CTSF: variants seen among roughly 807,000 people sequenced by gnomAD.
CTSF encodes the protein cathepsin F.
CTSF carries 65 observed loss-of-function variants against 63.5 expected under a neutral mutation model. The observed-to-expected ratio is 1.02, with a 90% CI of 0.84 to 1.26. CTSF has a LOEUF of 1.26. Ranked by LOEUF, CTSF falls within the 50% of genes most tolerant of loss-of-function variation. The probability of loss-of-function intolerance (pLI) is 0.00; values close to 1 mark genes in which losing one functional copy is unlikely to be tolerated. For synonymous variants in CTSF, 256 were observed against 258.1 expected, an observed-to-expected ratio of 0.99 and a Z score of 0.08; for missense variants, 641 against 631.0, an observed-to-expected ratio of 1.02 and a Z score of -0.17.
At position 66,568,545 on chromosome 11, in the gene CTSF, C is replaced by G. The variant is rs976073100; in HGVS notation, c.-59G>C. 26 of 1,461,752 alleles carry G rather than the reference C, an allele frequency of 1.8e-5. No homozygotes were observed. Among genetic ancestry groups the G allele is most frequent in the Admixed American group, 2.5e-5 (1 of 39,938 alleles). The allele number at this position is 1,461,752 out of a possible 1,614,324, so 90.5% of individuals were successfully genotyped here. ...GACGCTCCACCGACCCACCGGGTAC[C>G]GAGCCCGCGGCCAGCGGGGCCTGAG... On this transcript the variant is annotated 5_prime_UTR_variant, in exon 1 of 13. Transcript: ENST00000310325.
At chr11:66,567,785 A>G (rs1283374850) in intron 2 of CTSF, 123 bp from the exon 3 acceptor site, 1 of 1,427,808 alleles carries the variant, frequency 7.0e-7, no homozygotes, top group African/African-American at 1.4e-5. Flanking sequence ...ACCCCATCAC[A>G]GTGGACAGTG....
rs370667878 is a variant in CTSF at position 66,564,663 on chromosome 11, G to A, written c.1231-15C>T. ...TGGCGGTAAAACTGGAGGTGGAGAA[G>A]GAGTAGGGGATCGACTCCAAGAAGA... is the stretch of plus-strand genomic sequence containing the variant. On this transcript the variant is annotated splice_polypyrimidine_tract_variant and intron_variant, in intron 10 of 12. Transcript: ENST00000310325. The A allele has an allele frequency of 3.2e-4, 508 of 1,612,662 alleles. 1 individual carries two copies. Among genetic ancestry groups the A allele is most frequent in the Non-Finnish European group, 4.1e-4 (479 of 1,179,310 alleles).
intron 4 of CTSF, 55 bp downstream of exon 4, chr11:66,567,191 T>TG: frequency 1.9e-6 from 3 of 1,575,608 alleles, no homozygotes; most frequent in Non-Finnish European, 1.7e-6. Flanking sequence ...GGTGCCAAGT[T>TG]GGGGGGAAAG....
chr11:66,568,540 G>A lies in CTSF; in HGVS notation c.-54C>T, dbSNP rs1473579884. On this transcript the variant is annotated 5_prime_UTR_variant, in exon 1 of 13. Coordinates refer to ENST00000310325, the MANE Select transcript of CTSF (RefSeq NM_003793.4). ...CAACAGACGCTCCACCGACCCACCG[G>A]GTACCGAGCCCGCGGCCAGCGGGGC... is the stretch of plus-strand genomic sequence containing the variant. 2 of 1,465,702 alleles carry A rather than the reference G, an allele frequency of 1.4e-6. No individual in the cohort carries two copies. Among genetic ancestry groups the A allele is most frequent in the South Asian group, 1.3e-5 (1 of 77,354 alleles). The allele number at this position is 1,465,702 out of a possible 1,614,324, so 90.8% of individuals were successfully genotyped here.
chr11:66,566,391 G>A lies in CTSF; in HGVS notation c.621C>T (p.Arg207=). Residue 207 remains arginine, a synonymous_variant, in exon 5 of 13, where the codon CGC becomes CGT. Coordinates refer to ENST00000310325, the MANE Select transcript of CTSF (RefSeq NM_003793.4). ...CCATGTTATTGACAAAGACGGACAG[G>A]CGCCACCGGGCTTCTGAGGACCAAG... ...TYESKEEARW[R]LSVFVNNMVR... 6.2e-7 allele frequency: 1 copy of A among 1,614,016 alleles called. No homozygotes were observed. The highest frequency in any genetic ancestry group is 2.2e-5 in the East Asian group (1 of 44,882).
rs773757404 is a variant in CTSF at position 66,566,338 on chromosome 11, T to G, written c.674A>C (p.Asp225Ala). ...GACTCCATACTGAGCTGTGCCACGG[T>G]CCAGGGCCTGGATCTTCTGTGCTCG... is the stretch of plus-strand genomic sequence containing the variant. ...MVRAQKIQAL[D>A]RGTAQYGVTK... The change falls in exon 5 of 13, where the codon GAC becomes GCC. Residue 225 changes from aspartate to alanine, a missense_variant. Asp to Ala is a moderately radical substitution (Grantham distance 126). Coordinates refer to ENST00000310325, the MANE Select transcript of CTSF (RefSeq NM_003793.4). The G allele has an allele frequency of 6.2e-7, 1 of 1,613,994 alleles. No individual in the cohort carries two copies. The highest frequency in any genetic ancestry group is 1.7e-5 in the Admixed American group (1 of 59,990).
At chr11:66,565,537 TG>T in intron 8 of CTSF, 133 bp downstream of exon 8, 1 of 1,288,570 alleles carries the variant, frequency 7.8e-7, no homozygotes, top group Non-Finnish European at 1.1e-6. Flanking sequence ...CCACCACGCC[TG>T]GCTGGGTCAG....
intron 12 of CTSF, 29 bp downstream of exon 12, chr11:66,564,059 G>C (rs1370850902): frequency 1.9e-6 from 3 of 1,613,142 alleles, no homozygotes; most frequent in Non-Finnish European, 2.5e-6. Flanking sequence ...GGCGGCTGGA[G>C]GGCCAGGGGC....
rs1857917974 is a variant in CTSF at position 66,565,859 on chromosome 11, C to A, written c.936G>T (p.Gln312His). ...GTTCAGAGAGGGAGAGCAGGGTCCC[C>A]TGGTTGAGAAACCACTGGCCCTCCA... ...GNVEGQWFLN[Q>H]GTLLSLSEQE... The change falls in exon 7 of 13, where the codon CAG becomes CAT. Residue 312 changes from glutamine (Q) to histidine (H), a missense_variant. Gln to His is a conservative substitution (Grantham distance 24, BLOSUM62 0). Transcript: ENST00000310325. 1 of 1,613,994 alleles carries A rather than the reference C, an allele frequency of 6.2e-7. No individual in the cohort carries two copies. The highest frequency in any genetic ancestry group is 8.5e-7 in the Non-Finnish European group (1 of 1,180,012).
In CTSF at chr11:66,566,180, G is replaced by T; in HGVS notation, c.722-13C>A. 6.2e-7 allele frequency: 1 copy of T among 1,614,072 alleles called. No homozygotes were observed. The highest frequency in any genetic ancestry group is 8.5e-7 in the Non-Finnish European group (1 of 1,179,998). ...CGGAACTCCTCCTCTGCGGGCAAAG[G>T]TGGGCAGGGCATGGGGAGGAAGAGT... On this transcript the variant is annotated splice_polypyrimidine_tract_variant and intron_variant, in intron 5 of 12. Transcript: ENST00000310325.
In CTSF at chr11:66,565,850, C is replaced by A. The variant is rs779630399; in HGVS notation, c.945G>T (p.Leu315=). 1 of 1,613,980 alleles carries A rather than the reference C, an allele frequency of 6.2e-7. No individual in the cohort carries two copies. Among genetic ancestry groups the A allele is most frequent in the Non-Finnish European group, 8.5e-7 (1 of 1,180,022 alleles). The change falls in exon 7 of 13, where the codon CTG becomes CTT. Residue 315 remains leucine, a synonymous_variant. Coordinates refer to ENST00000310325, the MANE Select transcript of CTSF (RefSeq NM_003793.4). ...GCTCACCCTGTTCAGAGAGGGAGAGCAGGGTCCCCTGGTTGAGAAACCACT... is the reference window on the plus strand; with the variant it reads ...GCTCACCCTGTTCAGAGAGGGAGAGAAGGGTCCCCTGGTTGAGAAACCACT... The part of the protein sequence containing the change: ...EGQWFLNQGT[L]LSLSEQELLD...
intron 4 of CTSF, 65 bp from the exon 5 acceptor site, chr11:66,566,469 G>A: frequency 6.8e-7 from 1 of 1,480,528 alleles, no homozygotes; most frequent in Non-Finnish European, 9.3e-7. Flanking sequence ...GGGCAATTGG[G>A]GCTAGCAGGC....
chr11:66,567,913 T>TGG, intron 2 of CTSF, 71 bp downstream of exon 2: 1 of 1,518,092 alleles, frequency 6.6e-7, no homozygotes, highest in Non-Finnish European at 8.9e-7. Flanking sequence ...CGTCTTGACC[T>TGG]GACCCGTCAT....
chr11:66,566,206 G>A, intron 5 of CTSF, 39 bp from the exon 6 acceptor site: 2 of 1,612,452 alleles, frequency 1.2e-6, no homozygotes, highest in South Asian at 2.2e-5. Context: ...GAGGAAGAGT[G>A]TTCTAAGCCA....
At position 66,565,819 on chromosome 11, in the gene CTSF, C is replaced by T. The variant is rs761661216; in HGVS notation, c.964+12G>A. The T allele has an allele frequency of 4.8e-5, 77 of 1,613,786 alleles. No individual in the cohort carries two copies. The highest frequency in any genetic ancestry group is 6.0e-5 in the Non-Finnish European group (71 of 1,180,026). On this transcript the variant is annotated intron_variant, in intron 7 of 12. Transcript: ENST00000310325. ...CTAGGCTGGGGACAGAGGAGTAGAGCGAGATGCTCACCCTGTTCAGAGAGG... is the reference window on the plus strand; with the variant it reads ...CTAGGCTGGGGACAGAGGAGTAGAGTGAGATGCTCACCCTGTTCAGAGAGG...
Position 66,568,597 on chromosome 11 carries a change from G to A in CTSF, c.-111C>T. Reference sequence around the variant, plus strand: ...CCTCCCTCCAGCGGGGCGACGGCACGCCGACCAATGGGCGCTGGTTTGCGG... The same window carrying A: ...CCTCCCTCCAGCGGGGCGACGGCACACCGACCAATGGGCGCTGGTTTGCGG... On this transcript the variant is annotated 5_prime_UTR_variant, in exon 1 of 13. Coordinates refer to ENST00000310325, the MANE Select transcript of CTSF (RefSeq NM_003793.4). The A allele has an allele frequency of 7.1e-6, 9 of 1,264,212 alleles. No homozygotes were observed. Among genetic ancestry groups the A allele is most frequent in the Non-Finnish European group, 9.3e-6 (9 of 965,970 alleles). The allele number at this position is 1,264,212 out of a possible 1,614,324, so 78.3% of individuals were successfully genotyped here.
In CTSF at chr11:66,565,820, G is replaced by C. The variant is rs776587423; in HGVS notation, c.964+11C>G. 46 of 1,613,814 alleles carry C rather than the reference G, an allele frequency of 2.9e-5. No individual in the cohort carries two copies. The highest frequency in any genetic ancestry group is 3.8e-5 in the Non-Finnish European group (45 of 1,180,032). ...TAGGCTGGGGACAGAGGAGTAGAGCGAGATGCTCACCCTGTTCAGAGAGGG... is the reference window on the plus strand; with the variant it reads ...TAGGCTGGGGACAGAGGAGTAGAGCCAGATGCTCACCCTGTTCAGAGAGGG... On this transcript the variant is annotated intron_variant, in intron 7 of 12. Coordinates refer to ENST00000310325, the MANE Select transcript of CTSF (RefSeq NM_003793.4).
chr11:66,567,297 T>C lies in CTSF; in HGVS notation c.556A>G (p.Ile186Val), dbSNP rs753741916. 4.3e-6 allele frequency: 7 copies of C among 1,614,050 alleles called. No homozygotes were observed. Among genetic ancestry groups the C allele is most frequent in the African/African-American group, 4.0e-5 (3 of 74,914 alleles). Reference sequence around the variant, plus strand: ...TAGGTAATGACAAAGTTCTTGAAGATTGAAGCCATCTTCACAGGCAAGTCC... The same window carrying C: ...TAGGTAATGACAAAGTTCTTGAAGACTGAAGCCATCTTCACAGGCAAGTCC... ...SQDLPVKMAS[I>V]FKNFVITYNR... The change falls in exon 4 of 13, where the codon ATC (isoleucine) becomes GTC (valine). Residue 186 changes from isoleucine (I) to valine (V), a missense_variant. By Grantham distance (29) the Ile-to-Val change is conservative. Transcript: ENST00000310325.
In CTSF at chr11:66,563,755, G is replaced by T. The variant is rs1386889869; in HGVS notation, c.*178C>A. The T allele has an allele frequency of 3.7e-5, 26 of 698,312 alleles. No homozygotes were observed. Among genetic ancestry groups the T allele is most frequent in the Non-Finnish European group, 3.5e-5 (15 of 423,298 alleles). The allele number at this position is 698,312 out of a possible 1,614,324, so 43.3% of individuals were successfully genotyped here. On this transcript the variant is annotated 3_prime_UTR_variant, in exon 13 of 13. Transcript: ENST00000310325. ...AGGTGCAGGTGCAGAACTTCAGGGTGGGAATGGGGTGCAGGGAAGCAGGGG... is the reference window on the plus strand; with the variant it reads ...AGGTGCAGGTGCAGAACTTCAGGGTTGGAATGGGGTGCAGGGAAGCAGGGG...
Sources: allele counts gnomAD v4.1 joint callset, GRCh38; gene constraint gnomAD v4.1.1; transcripts MANE v1.5; gene names NCBI Gene and HGNC (gene_info 2026-07-23, HGNC 2026-07-21).